ZC3H12B: variants seen among roughly 807,000 people sequenced by gnomAD.
The protein encoded by ZC3H12B is zinc finger CCCH-type containing 12B.
In ZC3H12B, 7 loss-of-function variants were observed where a neutral mutation model predicts 43.9. That is an observed-to-expected ratio of 0.16 (90% CI 0.09 to 0.30). ZC3H12B has a LOEUF of 0.30. Ranked by LOEUF, ZC3H12B falls within the 10% of genes least tolerant of loss-of-function variation. ZC3H12B has a pLI of 1.00. For missense variants in ZC3H12B, 475 were observed against 670.2 expected, an observed-to-expected ratio of 0.71 and a Z score of 3.22; for synonymous variants, 222 against 241.7, an observed-to-expected ratio of 0.92 and a Z score of 0.76.
chrX:65,248,045 A>G, the ZC3H12B span, among the ~76,000 whole-genome samples: 48 of 85,559 alleles, frequency 5.6e-4, no homozygotes, highest in African/African-American at 7.4e-3. Flanking sequence ...TTAGCCACGA[A>G]AAAAATTTTT....
chrX:65,110,344 A>G, the ZC3H12B span, among the ~76,000 whole-genome samples: 1 of 108,775 alleles, frequency 9.2e-6, no homozygotes, highest in South Asian at 3.8e-4. Flanking sequence ...TTTGGTGTTA[A>G]GTCTAAAAAT....
the ZC3H12B span, among the ~76,000 whole-genome samples, chrX:65,253,267 C>T: frequency 8.9e-6 from 1 of 112,333 alleles, no homozygotes; most frequent in Admixed American, 9.4e-5. Flanking sequence ...GCATAAGTCT[C>T]TCATGCACTG....
chrX:65,210,939 A>T, the ZC3H12B span, among the ~76,000 whole-genome samples: 1 of 48,143 alleles, frequency 2.1e-5, no homozygotes. Flanking sequence ...GGGAGGGGGG[A>T]GGGATAGCAT....
chrX:65,150,368 T>G, the ZC3H12B span, among the ~76,000 whole-genome samples: 1 of 106,959 alleles, frequency 9.3e-6, no homozygotes, highest in Non-Finnish European at 1.9e-5. Flanking sequence ...AATATTTCAG[T>G]TTTTTTTTTA....
chrX:65,053,690 T>G, the ZC3H12B span, among the ~76,000 whole-genome samples: 3 of 111,463 alleles, frequency 2.7e-5, no homozygotes, highest in African/African-American at 9.8e-5. Context: ...CACACTGACT[T>G]CCACAATGGT....
intron 3 of ZC3H12B, among the ~76,000 whole-genome samples, chrX:65,423,771 G>T (rs1377954064): frequency 2.7e-5 from 3 of 111,811 alleles, no homozygotes; most frequent in Admixed American, 9.5e-5. Flanking sequence ...CAGATGGATA[G>T]ATTGCAAAAA....
chrX:65,468,423 C>T (rs976432230), intron 3 of ZC3H12B, among the ~76,000 whole-genome samples: 1 of 109,859 alleles, frequency 9.1e-6, no homozygotes. Context: ...CTTAGGATTG[C>T]CTTGACTATT....
chrX:65,376,681 T>C (rs55790147), intron 2 of ZC3H12B, among the ~76,000 whole-genome samples: 1 of 112,185 alleles, frequency 8.9e-6, no homozygotes, highest in East Asian at 2.8e-4. Flanking sequence ...AGTGATACCT[T>C]TTTGAGTTTA....
At chrX:65,318,964 C>A in the ZC3H12B span, among the ~76,000 whole-genome samples, 1 of 110,922 alleles carries the variant, frequency 9.0e-6, no homozygotes, top group African/African-American at 3.3e-5. Flanking sequence ...ATGCTGGCAT[C>A]GAAAAGTTAA....
chrX:65,102,294 G>A, the ZC3H12B span, among the ~76,000 whole-genome samples: 4 of 111,797 alleles, frequency 3.6e-5, no homozygotes. Flanking sequence ...AATGGGCAAA[G>A]GCTGGAAGCA....
At chrX:65,080,625 C>G in the ZC3H12B span, among the ~76,000 whole-genome samples, 1 of 111,734 alleles carries the variant, frequency 8.9e-6, no homozygotes, top group African/African-American at 3.3e-5. Flanking sequence ...AATAGTATAT[C>G]TGGTGAAAAT....
chrX:65,204,890 C>A, the ZC3H12B span, among the ~76,000 whole-genome samples: 1 of 112,035 alleles, frequency 8.9e-6, no homozygotes, highest in African/African-American at 3.2e-5. Flanking sequence ...TTTCCTACTT[C>A]TTTTCTCTGC....
chrX:65,044,123 A>G, the ZC3H12B span, among the ~76,000 whole-genome samples: 68 of 111,983 alleles, frequency 6.1e-4, no homozygotes, highest in African/African-American at 2.2e-3. Flanking sequence ...ATAAAACAAG[A>G]TAAGGGAATA....
At chrX:65,144,299 C>T in the ZC3H12B span, among the ~76,000 whole-genome samples, 3 of 111,615 alleles carry the variant, frequency 2.7e-5, no homozygotes, top group African/African-American at 9.8e-5. Context: ...TTTTGTATTT[C>T]CATGGTGTCA....
chrX:65,076,604 T>C, the ZC3H12B span, among the ~76,000 whole-genome samples: 1 of 111,299 alleles, frequency 9.0e-6, no homozygotes, highest in Non-Finnish European at 1.9e-5. Flanking sequence ...TATTTTCTCT[T>C]TGTTTGGATT....
At chrX:65,329,111 G>A in the ZC3H12B span, among the ~76,000 whole-genome samples, 8 of 111,223 alleles carry the variant, frequency 7.2e-5, no homozygotes, top group African/African-American at 2.6e-4. Context: ...CTAGATCCCT[G>A]AGGAATCGCC....
the ZC3H12B span, among the ~76,000 whole-genome samples, chrX:65,339,393 G>T: frequency 2.7e-5 from 3 of 111,845 alleles, no homozygotes; most frequent in Non-Finnish European, 3.8e-5. Flanking sequence ...CTCACCACAG[G>T]CCTCTGGAAT....
At chrX:65,485,498 C>T (rs1379010753), upstream of ZC3H12B, among the ~76,000 whole-genome samples, 3 of 112,641 alleles carry the variant, frequency 2.7e-5, no homozygotes, top group Non-Finnish European at 5.6e-5. Flanking sequence ...TCAAGCGATC[C>T]TCCTGCCTTG....
At chrX:65,499,370 A>G in intron 3 of ZC3H12B, 137 bp downstream of exon 8, 1 of 489,620 alleles carries the variant, frequency 2.0e-6, no homozygotes, top group Non-Finnish European at 3.4e-6. Context: ...AATAAGGAAA[A>G]GGACTCACCC....
Sources: gnomAD v4.1 joint callset for allele counts (sites outside exome capture counted in the v4.1 genomes callset) on GRCh38, gnomAD v4.1.1 for gene constraint, MANE v1.5 for transcripts, NCBI Gene and HGNC (gene_info 2026-07-23, HGNC 2026-07-21) for gene names.